The following TYK2 variants were observed in gnomAD, a reference collection of about 807,000 sequenced individuals.
The protein encoded by TYK2 is tyrosine kinase 2, also known as non-receptor tyrosine-protein kinase TYK2.
TYK2 carries 65 observed loss-of-function variants against 130.9 expected under a neutral mutation model. That is an observed-to-expected ratio of 0.50 (90% CI 0.41 to 0.61). TYK2 has a LOEUF of 0.61. TYK2 is among the 20% of genes least tolerant of loss of function. The pLI is 0.00. For missense variants in TYK2, 1,378 were observed against 1,610.7 expected (o/e 0.86, Z 2.47); for synonymous variants, 647 against 658.9 (o/e 0.98, Z 0.28).
At position 10,365,041 on chromosome 19, in the gene TYK2, C is replaced by T. The variant is rs1599350449; in HGVS notation, c.1019G>A (p.Ser340Asn). Residue 340 changes from serine (S) to asparagine (N), a missense_variant, in exon 8 of 25, where the codon AGT (serine) becomes AAT (asparagine). Coordinates refer to ENST00000525621, the MANE Select transcript of TYK2 (RefSeq NM_003331.5). Reference protein sequence around the residue: ...EEEVNKEEGSSGSSGRNPQAS... With the variant: ...EEEVNKEEGSNGSSGRNPQAS... Reference sequence around the variant, plus strand: ...TTGGGGGTTCCTGCCACTGCTGCCACTAGAACCCTGAACACCCAGCAAGTG... The same window carrying T: ...TTGGGGGTTCCTGCCACTGCTGCCATTAGAACCCTGAACACCCAGCAAGTG... 6.8e-6 allele frequency: 11 copies of T among 1,606,972 alleles called. No individual in the cohort carries two copies. Among genetic ancestry groups the T allele is most frequent in the South Asian group, 3.3e-5 (3 of 90,224 alleles).
chr19:10,351,089 C>G lies in TYK2; in HGVS notation c.3392G>C (p.Gly1131Ala). Residue 1131 changes from glycine to alanine, a missense_variant, in exon 24 of 25, where the codon GGG becomes GCG. Physicochemically the swap from Gly to Ala is moderately conservative, Grantham distance 60. Transcript: ENST00000525621. ...TTTGTCGGGCCGTGGCAGCCTCTCCCCTCGTTCCAGCAACTCAGTGAGTCT... is the reference window on the plus strand; with the variant it reads ...TTTGTCGGGCCGTGGCAGCCTCTCCGCTCGTTCCAGCAACTCAGTGAGTCT... ...VLRLTELLER[G>A]ERLPRPDKCP... is the part of the protein sequence containing the mutation. The G allele has an allele frequency of 6.2e-7, 1 of 1,614,140 alleles. No individual in the cohort carries two copies.
At chr19:10,358,861 G>A (rs903169970) in intron 15 of TYK2, among the ~76,000 whole-genome samples, 3 of 151,782 alleles carry the variant, frequency 2.0e-5, no homozygotes, top group Admixed American at 6.6e-5. Context: ...TCAGAAGTTC[G>A]AGACCAGCCT....
intron 3 of TYK2, among the ~76,000 whole-genome samples, chr19:10,373,285 G>A (rs1020515238): frequency 2.0e-5 from 3 of 151,934 alleles, no homozygotes; most frequent in Non-Finnish European, 2.9e-5. Flanking sequence ...TGATCCACCC[G>A]CCTTGGCCTC....
At chr19:10,368,465 G>A (rs778079853) in intron 3 of TYK2, 47 bp from the exon 4 acceptor site, 48 of 1,612,604 alleles carry the variant, frequency 3.0e-5, no homozygotes, top group Admixed American at 5.0e-5. Context: ...ATTTGCTACC[G>A]TCAGCCCCAA....
rs761130885 is a variant in TYK2, at chr19:10,350,796, C to A, written c.*38G>T. The A allele has an allele frequency of 6.2e-7, 1 of 1,611,442 alleles. No homozygotes were observed. Among genetic ancestry groups the A allele is most frequent in the South Asian group, 1.1e-5 (1 of 90,996 alleles). ...CAGGAGGCTCCCTCTGCAGCCACTG[C>A]CTGGTCCAGTCCTCCCAGGCAGGGC... On this transcript the variant is annotated 3_prime_UTR_variant, in exon 25 of 25. Coordinates refer to ENST00000525621, the MANE Select transcript of TYK2 (RefSeq NM_003331.5).
At chr19:10,357,587 G>T in intron 17 of TYK2, 177 bp downstream of exon 17, 1 of 848,562 alleles carries the variant, frequency 1.2e-6, no homozygotes, top group South Asian at 1.4e-5. Flanking sequence ...ACTTCCACAA[G>T]GACCTAAAAA....
chr19:10,367,700 C>T (rs1471350787), intron 5 of TYK2, among the ~76,000 whole-genome samples: 1 of 151,484 alleles, frequency 6.6e-6, no homozygotes, highest in Non-Finnish European at 1.5e-5. Flanking sequence ...GCGGGCAGAT[C>T]ACGAGGTCAG....
Position 10,352,487 on chromosome 19 carries a change from C to T in TYK2, c.3265G>A (p.Val1089Met), listed in dbSNP as rs574392004. 1 of 1,607,040 alleles carries T rather than the reference C, an allele frequency of 6.2e-7. No individual in the cohort carries two copies. Among genetic ancestry groups the T allele is most frequent in the South Asian group, 1.1e-5 (1 of 90,450 alleles). Residue 1089 changes from valine to methionine, a missense_variant, in exon 23 of 25, where the codon GTG (valine) becomes ATG (methionine). Physicochemically the swap from Val to Met is conservative, Grantham distance 21 (BLOSUM62 1). Transcript: ENST00000525621. ...TGCGTCAGCAGCTCATACAGGGTCA[C>T]CCCGAAGGACCAGACATCTGACGCA... ...YYASDVWSFGVTLYELLTHCD... is the reference protein window; with the variant it reads ...YYASDVWSFGMTLYELLTHCD...
intron 3 of TYK2, among the ~76,000 whole-genome samples, chr19:10,373,397 G>C (rs2041995955): frequency 1.3e-5 from 2 of 151,966 alleles, no homozygotes; most frequent in African/African-American, 4.8e-5. Flanking sequence ...GGAGTGCAGT[G>C]GTGCGATCTC....
In TYK2 at chr19:10,362,142, C is replaced by G. The variant is rs774986370; in HGVS notation, c.1709G>C (p.Ser570Thr). 6.2e-7 allele frequency: 1 copy of G among 1,614,056 alleles called. No individual in the cohort carries two copies. The highest frequency in any genetic ancestry group is 1.3e-5 in the African/African-American group (1 of 75,038). Residue 570 changes from serine (S) to threonine (T), a missense_variant, in exon 12 of 25, where the codon AGC (serine) becomes ACC (threonine). By Grantham distance (58) the Ser-to-Thr change is moderately conservative. Transcript: ENST00000525621. ...NLIIMRGARASPRTLNLSQLS... is the reference protein window; with the variant it reads ...NLIIMRGARATPRTLNLSQLS... ...CTGGCTGAGGTTGAGTGTCCTGGGG[C>G]TGGCCCGAGCCCCCCGCATGATGAT... is the stretch of plus-strand genomic sequence containing the variant.
rs922440460 is a variant in TYK2 at position 10,374,646 on chromosome 19, G to T, written c.193+3568C>A. Among the ~76,000 whole-genome samples the T allele has an allele frequency of 2.0e-5, 3 of 148,022 alleles. No homozygotes were observed. The South Asian group carries it at 6.4e-4, about 32-fold the overall frequency. ...CTCACACCTGTCATCCCAGCACTTT[G>T]AGAGGCCGAGGCAGGGGGAACAGCA... On this transcript the variant is annotated intron_variant, in intron 3 of 24. Transcript: ENST00000525621.
chr19:10,372,115 C>T (rs370469316), intron 3 of TYK2, among the ~76,000 whole-genome samples: 3 of 151,426 alleles, frequency 2.0e-5, no homozygotes, highest in African/African-American at 4.9e-5. Flanking sequence ...CTCAGCCTCC[C>T]GAGTAGCTGG....
Position 10,354,059 on chromosome 19 carries a change from C to T in TYK2, c.2891G>A (p.Gly964Asp). 1 of 1,614,142 alleles carries T rather than the reference C, an allele frequency of 6.2e-7. No individual in the cohort carries two copies. Among genetic ancestry groups the T allele is most frequent in the Non-Finnish European group, 8.5e-7 (1 of 1,180,038 alleles). Residue 964 changes from glycine to aspartate, a missense_variant, in exon 20 of 25, where the codon GGC becomes GAC. Gly to Asp is a moderately conservative substitution (Grantham distance 94, BLOSUM62 -1). Transcript: ENST00000525621. ...LYHEHIIKYK[G>D]CCEDQGEKSL... ...CCGCCCACCTTGGTCCTCGCAGCAGCCCTTGTACTTGATGATGTGCTCGTG... is the reference window on the plus strand; with the variant it reads ...CCGCCCACCTTGGTCCTCGCAGCAGTCCTTGTACTTGATGATGTGCTCGTG...
intron 14 of TYK2, 87 bp from the exon 15 acceptor site, chr19:10,359,389 T>C: frequency 6.6e-7 from 1 of 1,522,472 alleles, no homozygotes; most frequent in Non-Finnish European, 8.9e-7. Flanking sequence ...GGGAGGGACT[T>C]GGCATGTGGC....
chr19:10,368,250 G>C (rs757573253), intron 4 of TYK2, 45 bp downstream of exon 4: 2 of 1,614,050 alleles, frequency 1.2e-6, no homozygotes, highest in Non-Finnish European at 1.7e-6. Context: ...AGTCAGACCA[G>C]CTTCAGCACA....
In TYK2 at chr19:10,353,917, C is replaced by T. The variant is rs2040944283; in HGVS notation, c.2908+125G>A. On this transcript the variant is annotated intron_variant, in intron 20 of 24. Coordinates refer to ENST00000525621, the MANE Select transcript of TYK2 (RefSeq NM_003331.5). This position sits in a 1 kb window ranked among gnomAD's most constrained non-coding sequence, Gnocchi z 6.9. ...CCACGCTCACCCAGATGCCAAGAAC[C>T]GCGTACTGCAGCCTGGGGTTGAGAG... The T allele has an allele frequency of 1.9e-6, 2 of 1,066,340 alleles. No individual in the cohort carries two copies. Among genetic ancestry groups the T allele is most frequent in the South Asian group, 1.4e-5 (1 of 73,992 alleles). 66.1% of individuals were successfully genotyped at this position (1,066,340 alleles called of 1,614,324 possible). A position where few individuals can be genotyped will look rare whatever the true frequency, so the allele number is the denominator to read the frequency against.
At position 10,362,353 on chromosome 19, in the gene TYK2, C is replaced by T. The variant is rs755791270; in HGVS notation, c.1580G>A (p.Arg527Gln). Residue 527 changes from arginine to glutamine, a missense_variant, in exon 11 of 25, where the codon CGG (arginine) becomes CAG (glutamine). Arg to Gln is a conservative substitution (Grantham distance 43). Coordinates refer to ENST00000525621, the MANE Select transcript of TYK2 (RefSeq NM_003331.5). ...GCCCTGCAAGGCAGCCCCAAGTTCC[C>T]GAACGCTGGGGAAGGACCGGCCCCA... is the stretch of plus-strand genomic sequence containing the variant. ...EGWGRSFPSV[R>Q]ELGAALQGCL... is the part of the protein sequence containing the mutation. The T allele has an allele frequency of 8.7e-6, 14 of 1,614,016 alleles. No individual in the cohort carries two copies. Among genetic ancestry groups the T allele is most frequent in the Non-Finnish European group, 1.1e-5 (13 of 1,180,016 alleles).
intron 3 of TYK2, among the ~76,000 whole-genome samples, chr19:10,375,578 C>G (rs1307515600): frequency 6.7e-6 from 1 of 150,004 alleles, no homozygotes; most frequent in East Asian, 2.0e-4. Flanking sequence ...GGTCACACCA[C>G]TGCACTCCAG....
rs138350396 is a variant in TYK2 at position 10,364,733 on chromosome 19, G to A, written c.1248C>T (p.Phe416=). The change falls in exon 9 of 25, where the codon TTC becomes TTT. Residue 416 remains phenylalanine (F), a synonymous_variant. Transcript: ENST00000525621. This position sits in a 1 kb window ranked among gnomAD's most constrained non-coding sequence, Gnocchi z 4.9. ...SLPSRAAALS[F]VSLVDGYFRL... ...GGAAATAGCCGTCCACCAGCGACAC[G>A]AAGGACAGCGCCGCAGCCCGGGAAG... 1.2e-5 allele frequency: 19 copies of A among 1,613,876 alleles called. No individual in the cohort carries two copies. Among genetic ancestry groups the A allele is most frequent in the East Asian group, 1.1e-4 (5 of 44,874 alleles).
Sources: gnomAD v4.1 joint callset for allele counts (sites outside exome capture counted in the v4.1 genomes callset) on GRCh38, gnomAD v4.1.1 for gene constraint, Gnocchi (gnomAD v3.1) non-coding constraint, MANE v1.5 for transcripts, NCBI Gene and HGNC (gene_info 2026-07-23, HGNC 2026-07-21) for gene names.